LPAR1: variants seen among roughly 807,000 people sequenced by gnomAD.
The protein encoded by LPAR1 is lysophosphatidic acid receptor 1.
In LPAR1, 5 loss-of-function variants were observed where a neutral mutation model predicts 23.8. That is an observed-to-expected ratio of 0.21 (90% CI 0.11 to 0.44). The LOEUF (loss-of-function observed/expected upper bound fraction) is 0.44, where lower values mean the gene tolerates loss of function less well. LPAR1 is among the 20% of genes least tolerant of loss of function. The pLI is 0.99. For missense variants in LPAR1, 311 were observed against 482.8 expected (o/e 0.64, Z 3.33); for synonymous variants, 160 against 164.7 (o/e 0.97, Z 0.22).
intron 5 of LPAR1, among the ~76,000 whole-genome samples, chr9:110,887,623 C>T (rs1052956081): frequency 6.6e-6 from 1 of 152,034 alleles, no homozygotes; most frequent in Non-Finnish European, 1.5e-5. Flanking sequence ...AACAATTATT[C>T]AATTGGGAAG....
At chr9:111,027,089 T>C (rs2097705591) in intron 2 of LPAR1, among the ~76,000 whole-genome samples, 2 of 152,164 alleles carry the variant, frequency 1.3e-5, no homozygotes. Flanking sequence ...TTGGAATAGT[T>C]TCAGAAGGAA....
chr9:111,008,961 A>G (rs1368616050), intron 2 of LPAR1, among the ~76,000 whole-genome samples: 1 of 152,158 alleles, frequency 6.6e-6, no homozygotes, highest in Non-Finnish European at 1.5e-5. Context: ...GTGGGGTGGG[A>G]TCGCAAAGCA....
intron 5 of LPAR1, among the ~76,000 whole-genome samples, chr9:110,886,203 A>G (rs1453555507): frequency 3.3e-5 from 5 of 151,272 alleles, no homozygotes; most frequent in Non-Finnish European, 1.5e-5. Context: ...CATCTCAAAA[A>G]AAAAAAAAAA....
In LPAR1 at chr9:110,890,061, A is replaced by T. The variant is rs118106378; in HGVS notation, c.794-14339T>A. Reference sequence around the variant, plus strand: ...GGTATTTAAAGAAACAACTAAAGAGACAAATGTCTTATAAATATGACCAAC... The same window carrying T: ...GGTATTTAAAGAAACAACTAAAGAGTCAAATGTCTTATAAATATGACCAAC... On this transcript the variant is annotated intron_variant, in intron 5 of 5. Transcript: ENST00000683809. Among the ~76,000 whole-genome samples the T allele has an allele frequency of 2.0e-5, 3 of 152,332 alleles. No individual in the cohort carries two copies. The East Asian group carries it at 5.8e-4, about 29-fold the overall frequency.
intron 5 of LPAR1, among the ~76,000 whole-genome samples, chr9:110,901,070 G>A (rs567585941): frequency 4.6e-4 from 70 of 152,270 alleles, no homozygotes; most frequent in Non-Finnish European, 9.3e-4. Flanking sequence ...AGATGGGGGC[G>A]GATGAGTAAA....
At chr9:110,919,574 T>C (rs1349000683) in intron 5 of LPAR1, among the ~76,000 whole-genome samples, 2 of 152,192 alleles carry the variant, frequency 1.3e-5, no homozygotes, top group African/African-American at 2.4e-5. Flanking sequence ...ACAATTTGCA[T>C]GGGAATTGCC....
At position 110,973,068 on chromosome 9, in the gene LPAR1, A is replaced by C. The variant is rs117266933; in HGVS notation, c.-104+413T>G. On this transcript the variant is annotated intron_variant, in intron 3 of 5. Coordinates refer to ENST00000683809, the MANE Select transcript of LPAR1 (RefSeq NM_001351411.2). The stretch of plus-strand genomic sequence containing the variant: ...CACACAGTGTGGAATCGCAGGACAA[A>C]GGGACAAATCACATGGACAGTATGA... 6.0e-3 allele frequency among the ~76,000 whole-genome samples: 916 copies of C among 152,334 alleles called. 3 individuals are homozygous for C. Among genetic ancestry groups the C allele is most frequent in the Non-Finnish European group, 0.01 (713 of 68,032 alleles).
rs1234330115 is a variant in LPAR1 at position 110,992,484 on chromosome 9, GGT to G, written c.-181-18928_-181-18927del. ...ATCCAGTTCTGCCATTTAACTCCTAGGTATTTACCCAAGAGAAAATAAAGTAG... is the reference window on the plus strand; with the variant it reads ...ATCCAGTTCTGCCATTTAACTCCTAGATTTACCCAAGAGAAAATAAAGTAG... On this transcript the variant is annotated intron_variant, in intron 2 of 5. Coordinates refer to ENST00000683809, the MANE Select transcript of LPAR1 (RefSeq NM_001351411.2). Among the ~76,000 whole-genome samples the G allele has an allele frequency of 2.0e-5, 3 of 152,204 alleles. No homozygotes were observed. In the East Asian group the frequency reaches 5.8e-4, roughly 29 times the overall value.
chr9:110,967,402 A>T (rs1002976221), intron 4 of LPAR1, among the ~76,000 whole-genome samples: 14 of 152,218 alleles, frequency 9.2e-5, no homozygotes, highest in Non-Finnish European at 2.1e-4. Context: ...AACAATCACA[A>T]GCTATTTGTT....
chr9:110,951,302 A>G (rs984421412), intron 4 of LPAR1, among the ~76,000 whole-genome samples: 5 of 152,132 alleles, frequency 3.3e-5, no homozygotes, highest in Non-Finnish European at 7.4e-5. Flanking sequence ...ATAAAACTTG[A>G]CTAATCAAAA....
chr9:111,037,308 T>C (rs974346165), intron 1 of LPAR1, among the ~76,000 whole-genome samples: 1 of 152,078 alleles, frequency 6.6e-6, no homozygotes, highest in East Asian at 1.9e-4. Flanking sequence ...CACCCACATT[T>C]ATGAAAAAAT....
rs139909283 is a variant in LPAR1 at position 110,965,690 on chromosome 9, C to T, written c.45+6383G>A. Among the ~76,000 whole-genome samples, 554 of 152,268 alleles carry T rather than the reference C, an allele frequency of 3.6e-3. 2 individuals carry two copies. Among genetic ancestry groups the T allele is most frequent in the Non-Finnish European group, 5.3e-3 (359 of 68,028 alleles). The stretch of plus-strand genomic sequence containing the variant: ...CTGTTGGTGGGAATGTGAACTAGTT[C>T]AACCTTTGTGGAAGACAGTGTGGTG... On this transcript the variant is annotated intron_variant, in intron 4 of 5. Transcript: ENST00000683809.
intron 4 of LPAR1, among the ~76,000 whole-genome samples, chr9:110,949,757 T>C (rs1298688002): frequency 6.6e-6 from 1 of 152,208 alleles, no homozygotes; most frequent in Non-Finnish European, 1.5e-5. Context: ...GTAAATCAAA[T>C]ATGTATCTTC....
intron 2 of LPAR1, among the ~76,000 whole-genome samples, chr9:111,012,361 T>C (rs1011969404): frequency 2.0e-4 from 30 of 152,178 alleles, no homozygotes; most frequent in Non-Finnish European, 4.4e-4. Flanking sequence ...TACACATCTC[T>C]GGCATTTCTG....
Position 111,003,547 on chromosome 9 carries a change from A to G in LPAR1, c.-181-29989T>C, listed in dbSNP as rs1467438989. Among the ~76,000 whole-genome samples, 11 of 152,234 alleles carry G rather than the reference A, an allele frequency of 7.2e-5. No individual in the cohort carries two copies. The South Asian group carries it at 2.1e-3, about 29-fold the overall frequency. On this transcript the variant is annotated intron_variant, in intron 2 of 5. Coordinates refer to ENST00000683809, the MANE Select transcript of LPAR1 (RefSeq NM_001351411.2). ...ACATAGGCATCCCTGAGGATGCCCT[A>G]AAGAGTTTTCTTATTTGGAAGGAAA...
At chr9:110,898,623 A>C (rs1201000367) in intron 5 of LPAR1, among the ~76,000 whole-genome samples, 1 of 152,226 alleles carries the variant, frequency 6.6e-6, no homozygotes, top group Non-Finnish European at 1.5e-5. Context: ...TATGTTTAAA[A>C]GCAAGCCTCC....
At chr9:110,911,712 T>A (rs7042462) in intron 5 of LPAR1, among the ~76,000 whole-genome samples, 70,094 of 152,100 alleles carry the variant, frequency 0.46, 18,002 homozygotes, top group African/African-American at 0.71. Flanking sequence ...CATACTTTTT[T>A]AAGACATACT....
intron 4 of LPAR1, among the ~76,000 whole-genome samples, chr9:110,963,899 T>C (rs976438975): frequency 7.9e-5 from 12 of 152,250 alleles, no homozygotes; most frequent in Admixed American, 5.9e-4. Context: ...CAGTCTAGAT[T>C]TGAACCAAAA....
intron 4 of LPAR1, among the ~76,000 whole-genome samples, chr9:110,954,829 G>A (rs2095685172): frequency 6.6e-6 from 1 of 152,278 alleles, no homozygotes; most frequent in Admixed American, 6.5e-5. Context: ...ATTACCACTA[G>A]ACCATACCTA....
Sources: gnomAD v4.1 joint callset for allele counts (sites outside exome capture counted in the v4.1 genomes callset) on GRCh38, gnomAD v4.1.1 for gene constraint, MANE v1.5 for transcripts, NCBI Gene and HGNC (gene_info 2026-07-23, HGNC 2026-07-21) for gene names.